DPP10: variants seen among roughly 807,000 people sequenced by gnomAD.
DPP10 encodes the protein dipeptidyl peptidase like 10.
A neutral mutation model predicts 120.9 loss-of-function variants in DPP10; 33 were observed. That is an observed-to-expected ratio of 0.27 (90% CI 0.21 to 0.37). DPP10 has a LOEUF of 0.37. Among genes scored for constraint, DPP10 ranks in the 10% least tolerant of loss-of-function variants. The pLI is 1.00. For missense variants in DPP10, 816 were observed against 942.8 expected (o/e 0.87, Z 1.76); for synonymous variants, 337 against 326.1 (o/e 1.03, Z -0.36).
intron 3 of DPP10, among the ~76,000 whole-genome samples, chr2:115,408,233 C>T (rs1490249551): frequency 6.6e-6 from 1 of 152,090 alleles, no homozygotes; most frequent in African/African-American, 2.4e-5. Flanking sequence ...CAGGAACTTT[C>T]CCAGGAACAG....
chr2:115,474,994 C>A (rs1298918763), intron 3 of DPP10, among the ~76,000 whole-genome samples: 3 of 151,796 alleles, frequency 2.0e-5, no homozygotes, highest in African/African-American at 2.4e-5. Flanking sequence ...CCAGCTCCAG[C>A]CAGAAAATTT....
At chr2:115,203,003 T>C (rs2055853152) in intron 1 of DPP10, among the ~76,000 whole-genome samples, 1 of 152,186 alleles carries the variant, frequency 6.6e-6, no homozygotes. Flanking sequence ...TTAATGCTTA[T>C]TTTGCATAGA....
At chr2:114,547,898 G>C (rs1197113319) in intron 1 of DPP10, among the ~76,000 whole-genome samples, 2 of 152,142 alleles carry the variant, frequency 1.3e-5, no homozygotes, top group Non-Finnish European at 2.9e-5. Flanking sequence ...GACCCAGCAG[G>C]GGTGGGCTGG....
At chr2:115,210,002 G>A (rs1273964415) in intron 1 of DPP10, among the ~76,000 whole-genome samples, 2 of 151,860 alleles carry the variant, frequency 1.3e-5, no homozygotes, top group East Asian at 1.9e-4. Context: ...AACATGAGTC[G>A]TCTTCTCTTT....
intron 1 of DPP10, among the ~76,000 whole-genome samples, chr2:114,667,889 GA>G (rs1288105823): frequency 6.6e-6 from 1 of 152,054 alleles, no homozygotes; most frequent in African/African-American, 2.4e-5. Context: ...CTTGGACTTG[GA>G]AAAAAATTCT....
Position 114,747,294 on chromosome 2 carries a change from T to C in DPP10, c.60+304456T>C, listed in dbSNP as rs1005574690. 3.3e-5 allele frequency among the ~76,000 whole-genome samples: 5 copies of C among 152,222 alleles called. No homozygotes were observed. In the East Asian group the frequency reaches 7.7e-4, roughly 23 times the overall value. ...TCCTTCACTATTAAAAATGGGACTTTGGTCTGTCTTCCTTTTTATCAGTCT... is the reference window on the plus strand; with the variant it reads ...TCCTTCACTATTAAAAATGGGACTTCGGTCTGTCTTCCTTTTTATCAGTCT... On this transcript the variant is annotated intron_variant, in intron 1 of 25. Coordinates refer to ENST00000410059, the MANE Select transcript of DPP10 (RefSeq NM_020868.6).
chr2:114,621,756 T>C (rs541161316), intron 1 of DPP10, among the ~76,000 whole-genome samples: 4 of 151,794 alleles, frequency 2.6e-5, no homozygotes, highest in Non-Finnish European at 5.9e-5. Context: ...GTTTTTTCAT[T>C]TTATAGCACA....
At chr2:114,980,015 C>A (rs114600466) in intron 1 of DPP10, among the ~76,000 whole-genome samples, 2,347 of 152,122 alleles carry the variant, frequency 0.015, 62 homozygotes, top group African/African-American at 0.053. Flanking sequence ...CTCTATTAAT[C>A]AAGTATAATG....
At chr2:115,042,654 G>GATC (rs1388280773) in intron 1 of DPP10, among the ~76,000 whole-genome samples, 1 of 152,218 alleles carries the variant, frequency 6.6e-6, no homozygotes, top group East Asian at 1.9e-4. Context: ...TCCTACTGTA[G>GATC]ATCAGGAAGG....
At chr2:114,996,004 T>G (rs1043078411) in intron 1 of DPP10, among the ~76,000 whole-genome samples, 2 of 152,204 alleles carry the variant, frequency 1.3e-5, no homozygotes, top group African/African-American at 4.8e-5. Flanking sequence ...AATTCTAGGA[T>G]TCAGCATATT....
intron 9 of DPP10, among the ~76,000 whole-genome samples, chr2:115,745,486 G>T (rs1575660118): frequency 6.6e-6 from 1 of 150,566 alleles, no homozygotes; most frequent in East Asian, 1.9e-4. Context: ...AGGACAGTCT[G>T]CCCATGGCCC....
chr2:115,029,879 C>T (rs1439601089), intron 1 of DPP10, among the ~76,000 whole-genome samples: 1 of 152,138 alleles, frequency 6.6e-6, no homozygotes, highest in African/African-American at 2.4e-5. Context: ...TATGAGGACT[C>T]CACTCAATGA....
rs75383540 is a variant in DPP10, at chr2:115,141,062, T to C, written c.61-168177T>C. Reference sequence around the variant, plus strand: ...CCACCAGAAATAAGAACAATTGAGTTAGAGCAAGAAGGTAGGGATGTTTGG... The same window carrying C: ...CCACCAGAAATAAGAACAATTGAGTCAGAGCAAGAAGGTAGGGATGTTTGG... On this transcript the variant is annotated intron_variant, in intron 1 of 25. Transcript: ENST00000410059. Among the ~76,000 whole-genome samples the C allele has an allele frequency of 3.8e-3, 576 of 152,302 alleles. 2 individuals are homozygous for C. Among genetic ancestry groups the C allele is most frequent in the Non-Finnish European group, 6.2e-3 (421 of 68,020 alleles).
chr2:115,708,093 C>G (rs955389277), intron 7 of DPP10, among the ~76,000 whole-genome samples: 4 of 151,864 alleles, frequency 2.6e-5, no homozygotes, highest in Non-Finnish European at 4.4e-5. Context: ...GTGTGTTACA[C>G]GTGTCAAACA....
chr2:114,795,496 GAA>G (rs397765411), intron 1 of DPP10, among the ~76,000 whole-genome samples: 1 of 138,954 alleles, frequency 7.2e-6, no homozygotes, highest in African/African-American at 2.7e-5. Context: ...CATCTCTGGG[GAA>G]AAAAAAAAAA....
chr2:115,308,824 A>G (rs2061467067), intron 1 of DPP10, among the ~76,000 whole-genome samples: 1 of 151,498 alleles, frequency 6.6e-6, no homozygotes, highest in Non-Finnish European at 1.5e-5. Context: ...TCTTTGCCCC[A>G]TCCAGTTAGA....
intron 1 of DPP10, among the ~76,000 whole-genome samples, chr2:114,551,084 A>T (rs1294978246): frequency 6.6e-6 from 1 of 152,116 alleles, no homozygotes; most frequent in Non-Finnish European, 1.5e-5. Flanking sequence ...CTTGCAATCC[A>T]TCCTCCACTA....
At chr2:114,628,364 A>C (rs934511582) in intron 1 of DPP10, among the ~76,000 whole-genome samples, 5 of 152,264 alleles carry the variant, frequency 3.3e-5, no homozygotes, top group African/African-American at 1.2e-4. Context: ...GCAATTTTTC[A>C]CCAAAGATAA....
At chr2:115,324,992 T>G (rs912362367) in intron 2 of DPP10, among the ~76,000 whole-genome samples, 1 of 152,134 alleles carries the variant, frequency 6.6e-6, no homozygotes, top group Non-Finnish European at 1.5e-5. Context: ...TATGCTCTTA[T>G]GTGGTCATGG....
Sources: gnomAD v4.1 joint callset for allele counts (sites outside exome capture counted in the v4.1 genomes callset) on GRCh38, gnomAD v4.1.1 for gene constraint, MANE v1.5 for transcripts, NCBI Gene and HGNC (gene_info 2026-07-23, HGNC 2026-07-21) for gene names.